The following DGKH variants were observed in gnomAD, a reference collection of about 807,000 sequenced individuals.
The protein encoded by DGKH is diacylglycerol kinase eta, also known as DAG kinase eta.
Under a neutral mutation model 159.3 loss-of-function variants are expected in DGKH, and 90 were observed. The ratio of observed to expected loss-of-function variants is 0.57; its 90% CI spans 0.48 to 0.67. The LOEUF is 0.67. Among genes scored for constraint, DGKH ranks in the 30% least tolerant of loss-of-function variants. The pLI, the probability that DGKH is intolerant of heterozygous loss-of-function variation, is 0.00. For missense variants in DGKH, 1,181 were observed against 1,506.1 expected (o/e 0.78, Z 3.57); for synonymous variants, 536 against 553.8 (o/e 0.97, Z 0.45).
intron 6 of DGKH, among the ~76,000 whole-genome samples, chr13:42,159,576 C>T (rs1377685587): frequency 6.6e-6 from 1 of 152,118 alleles, no homozygotes; most frequent in African/African-American, 2.4e-5. Context: ...GTGAATAGGG[C>T]TTAGAAGTGG....
At chr13:42,189,346 C>T (rs775915115) in intron 15 of DGKH, 37 bp downstream of exon 15, 2 of 1,609,802 alleles carry the variant, frequency 1.2e-6, no homozygotes, top group South Asian at 2.2e-5. Context: ...AAGAAGTTGG[C>T]AGCATTTCTA....
chr13:42,245,744 C>G (rs1473721838), downstream of DGKH, among the ~76,000 whole-genome samples: 1 of 152,022 alleles, frequency 6.6e-6, no homozygotes, highest in Non-Finnish European at 1.5e-5. Flanking sequence ...CGCCAACACA[C>G]CTGGCTAATT....
chr13:42,203,443 CTG>C (rs1957393280), intron 20 of DGKH, among the ~76,000 whole-genome samples: 1 of 152,194 alleles, frequency 6.6e-6, no homozygotes, highest in African/African-American at 2.4e-5. Context: ...ATTGGCCTCA[CTG>C]TGTGCTAAGA....
chr13:42,056,131 T>C (rs575447346), intron 1 of DGKH, among the ~76,000 whole-genome samples: 2 of 152,290 alleles, frequency 1.3e-5, no homozygotes, highest in South Asian at 4.1e-4. Context: ...TATTTTTGAG[T>C]TGGTTAAATG....
intron 20 of DGKH, among the ~76,000 whole-genome samples, chr13:42,202,891 G>C (rs1170103): frequency 0.22 from 33,456 of 151,994 alleles, 4,775 homozygotes; most frequent in East Asian, 0.41. Flanking sequence ...ATGGGTTAAG[G>C]AGACTGTTCT....
intron 20 of DGKH, among the ~76,000 whole-genome samples, chr13:42,205,623 A>C (rs1464532062): frequency 1.3e-5 from 2 of 152,294 alleles, no homozygotes; most frequent in Admixed American, 1.3e-4. Flanking sequence ...AGCCCCAGCA[A>C]TGTACCAGGG....
chr13:42,196,185 T>G (rs563695592), intron 17 of DGKH, among the ~76,000 whole-genome samples: 2 of 152,288 alleles, frequency 1.3e-5, no homozygotes, highest in South Asian at 2.1e-4. Context: ...AATTAGAACT[T>G]TCATGCATTG....
At chr13:42,094,950 A>G (rs746684047) in intron 1 of DGKH, among the ~76,000 whole-genome samples, 1 of 152,180 alleles carries the variant, frequency 6.6e-6, no homozygotes, top group Non-Finnish European at 1.5e-5. Context: ...TTCCCTAACT[A>G]TAGAAACCCT....
chr13:42,043,939 A>G (rs997712973), upstream of DGKH: 1 of 151,624 alleles, frequency 6.6e-6, no homozygotes, highest in African/African-American at 2.4e-5. Context: ...GGCTCAAGCA[A>G]TTCTCCTACC....
chr13:42,068,806 C>G (rs1442629604), intron 1 of DGKH: 7 of 434,708 alleles, frequency 1.6e-5, no homozygotes, highest in African/African-American at 1.2e-4. Flanking sequence ...TTTTAAAAAC[C>G]AAGTACTCAT....
intron 18 of DGKH, 116 bp downstream of exon 18, chr13:42,198,711 GGAT>G: frequency 1.0e-6 from 1 of 957,952 alleles, no homozygotes; most frequent in East Asian, 2.6e-5. Context: ...TGTAAAAAAA[GGAT>G]GATCAGAAAA....
chr13:42,061,821 A>G lies in DGKH; in HGVS notation c.192+12856A>G, dbSNP rs536479570. The stretch of plus-strand genomic sequence containing the variant: ...ATTGAGTTCTATTCTAGGTGCTGAG[A>G]TGGTAAAAGAACATAAAAGCCCTGC... On this transcript the variant is annotated intron_variant, in intron 1 of 29. Coordinates refer to ENST00000337343, the MANE Select transcript of DGKH (RefSeq NM_178009.5). 1.1e-4 allele frequency among the ~76,000 whole-genome samples: 16 copies of G among 152,278 alleles called. No individual in the cohort carries two copies. The South Asian group carries it at 3.1e-3, about 30-fold the overall frequency.
At chr13:42,139,404 C>T (rs569958114) in intron 3 of DGKH, among the ~76,000 whole-genome samples, 29 of 152,260 alleles carry the variant, frequency 1.9e-4, no homozygotes, top group African/African-American at 7.0e-4. Flanking sequence ...TCAAAGGGTC[C>T]GAGGTGGTTA....
intron 18 of DGKH, among the ~76,000 whole-genome samples, 182 bp downstream of exon 18, chr13:42,198,777 TC>T (rs1297975246): frequency 6.6e-6 from 1 of 152,192 alleles, no homozygotes; most frequent in Non-Finnish European, 1.5e-5. Flanking sequence ...TTCAGTGGTC[TC>T]CGTGATCTGT....
intron 17 of DGKH, among the ~76,000 whole-genome samples, chr13:42,195,240 C>T (rs866989305): frequency 1.3e-5 from 2 of 152,178 alleles, no homozygotes; most frequent in African/African-American, 4.8e-5. Flanking sequence ...GTGGCTCACA[C>T]CTGTAATCGC....
At chr13:42,159,457 G>T in intron 6 of DGKH, 85 bp downstream of exon 6, 1 of 947,194 alleles carries the variant, frequency 1.1e-6, no homozygotes, top group Non-Finnish European at 1.7e-6. Context: ...AGATAAGTAG[G>T]AATGCTTATT....
intron 1 of DGKH, among the ~76,000 whole-genome samples, chr13:42,076,681 A>G (rs1243220207): frequency 6.6e-6 from 1 of 152,198 alleles, no homozygotes; most frequent in Non-Finnish European, 1.5e-5. Flanking sequence ...TTGGGAATGT[A>G]ATTATTTTAC....
Position 42,233,447 on chromosome 13 carries a change from G to A in DGKH, c.*4259G>A, listed in dbSNP as rs1958348971. The A allele has an allele frequency of 6.6e-6, 1 of 152,182 alleles. No individual in the cohort carries two copies. The highest frequency in any genetic ancestry group is 2.1e-4 in the South Asian group (1 of 4,818). 9.4% of individuals were successfully genotyped at this position (152,182 alleles called of 1,614,324 possible). A position where few individuals can be genotyped will look rare whatever the true frequency, so the allele number is the denominator to read the frequency against. On this transcript the variant is annotated 3_prime_UTR_variant, in exon 30 of 30. Transcript: ENST00000337343. Reference sequence around the variant, plus strand: ...CCATTTTATCCTTCCTTAGCTATTAGGGATGTGAGGTCCGAGGGCTTCAAA... The same window carrying A: ...CCATTTTATCCTTCCTTAGCTATTAAGGATGTGAGGTCCGAGGGCTTCAAA...
rs559073861 is a variant in DGKH, at chr13:42,081,871, T to C, written c.192+32906T>C. The stretch of plus-strand genomic sequence containing the variant: ...AAGATCTGAGCCTTAGGTGTGCTCA[T>C]TGGTATTGAGGTGTCACTGTTCCCA... On this transcript the variant is annotated intron_variant, in intron 1 of 29. Transcript: ENST00000337343. 9.8e-5 allele frequency among the ~76,000 whole-genome samples: 15 copies of C among 152,302 alleles called. 1 individual carries two copies. The highest frequency in any genetic ancestry group is 3.6e-4 in the African/African-American group (15 of 41,562).
Sources: allele counts gnomAD v4.1 joint callset (sites outside exome capture counted in the v4.1 genomes callset), GRCh38; gene constraint gnomAD v4.1.1; transcripts MANE v1.5; gene names NCBI Gene and HGNC (gene_info 2026-07-23, HGNC 2026-07-21).